The following SLC12A2 variants were observed in gnomAD, a reference collection of about 807,000 sequenced individuals.
SLC12A2 encodes the protein solute carrier family 12 member 2, also known as Na-K-2Cl cotransporter 1.
SLC12A2 carries 67 observed loss-of-function variants against 136.3 expected under a neutral mutation model. The observed-to-expected ratio is 0.49, with a 90% CI of 0.40 to 0.60. The LOEUF is 0.60. SLC12A2 is among the 20% of genes least tolerant of loss of function. The pLI is 0.00. For synonymous variants in SLC12A2, 619 were observed against 562.9 expected, an observed-to-expected ratio of 1.10 and a Z score of -1.41; for missense variants, 1,322 against 1,534.7, an observed-to-expected ratio of 0.86 and a Z score of 2.32.
chr5:128,133,810 T>C (rs919652490), intron 5 of SLC12A2, among the ~76,000 whole-genome samples: 9 of 152,138 alleles, frequency 5.9e-5, no homozygotes, highest in African/African-American at 1.9e-4. Context: ...ATGAGTTCAC[T>C]AATCACAATA....
At chr5:128,124,174 T>C (rs1761691080) in intron 4 of SLC12A2, among the ~76,000 whole-genome samples, 1 of 152,188 alleles carries the variant, frequency 6.6e-6, no homozygotes. Flanking sequence ...TTCTGCACAT[T>C]AGGTAATAGC....
chr5:128,184,656 TA>T, intron 25 of SLC12A2, 132 bp from the exon 26 acceptor site: 1 of 1,468,894 alleles, frequency 6.8e-7, no homozygotes, highest in Non-Finnish European at 9.2e-7. Flanking sequence ...TTAAAAAAAA[TA>T]AAAATAGAGA....
chr5:128,186,547 A>G lies in SLC12A2; in HGVS notation c.3555A>G (p.Ala1185=), dbSNP rs759479031. ...CTGTGTCTAGTGCTCTCTACATGGC[A>G]TGGTTAGAAGCTCTATCTAAGGACC... ...KGAVSSALYM[A]WLEALSKDLP... Residue 1185 remains alanine, a synonymous_variant, in exon 27 of 27, where the codon GCA becomes GCG. Coordinates refer to ENST00000262461, the MANE Select transcript of SLC12A2 (RefSeq NM_001046.3). The G allele has an allele frequency of 1.5e-5, 24 of 1,612,588 alleles. No individual in the cohort carries two copies. The highest frequency in any genetic ancestry group is 1.9e-5 in the Non-Finnish European group (22 of 1,179,784).
chr5:128,102,956 A>C (rs988036309), intron 1 of SLC12A2, among the ~76,000 whole-genome samples: 1 of 152,020 alleles, frequency 6.6e-6, no homozygotes, highest in Admixed American at 6.5e-5. Flanking sequence ...ATTTTCTTCG[A>C]TTGTATGAAT....
intron 1 of SLC12A2, among the ~76,000 whole-genome samples, chr5:128,092,222 A>G (rs112389004): frequency 0.011 from 1,635 of 152,358 alleles, 18 homozygotes; most frequent in Non-Finnish European, 0.017. Flanking sequence ...AAACACATCC[A>G]GTATCTCAAT....
chr5:128,152,784 A>T lies in SLC12A2; in HGVS notation c.2342A>T (p.Glu781Val). Reference protein sequence around the residue: ...LQHSIRLSGVEDHVKNFRPQC... With the variant: ...LQHSIRLSGVVDHVKNFRPQC... ...CATTCAATTCGTCTTTCTGGAGTGG[A>T]AGACCACGTGAAAAACTTTAGGTAA... The change falls in exon 15 of 27, where the codon GAA becomes GTA. Residue 781 changes from glutamate to valine, a missense_variant. This residue lies in a region of SLC12A2 where 294 missense variants were observed against 436.6 expected (regional missense o/e 0.67). Transcript: ENST00000262461. 2 of 1,612,540 alleles carry T rather than the reference A, an allele frequency of 1.2e-6. No homozygotes were observed. Among genetic ancestry groups the T allele is most frequent in the Non-Finnish European group, 1.7e-6 (2 of 1,178,562 alleles).
At chr5:128,100,490 C>T (rs1444821166) in intron 1 of SLC12A2, among the ~76,000 whole-genome samples, 1 of 152,064 alleles carries the variant, frequency 6.6e-6, no homozygotes, top group Non-Finnish European at 1.5e-5. Flanking sequence ...ATTCCAAAAT[C>T]TGAAAATATC....
Position 128,083,989 on chromosome 5 carries a change from C to T in SLC12A2, c.35C>T (p.Ala12Val), listed in dbSNP as rs895786562. The part of the protein sequence containing the change: ...EPRPTAPSSG[A>V]PGLAGVGETP... The stretch of plus-strand genomic sequence containing the variant: ...CGGCCCACGGCGCCCTCCTCCGGCG[C>T]CCCGGGACTGGCCGGGGTCGGGGAG... Residue 12 changes from alanine to valine, a missense_variant, in exon 1 of 27, where the codon GCC (alanine) becomes GTC (valine). Physicochemically the swap from Ala to Val is moderately conservative, Grantham distance 64. Coordinates refer to ENST00000262461, the MANE Select transcript of SLC12A2 (RefSeq NM_001046.3). The T allele has an allele frequency of 2.4e-6, 3 of 1,247,774 alleles. No homozygotes were observed. Among genetic ancestry groups the T allele is most frequent in the South Asian group, 3.1e-5 (1 of 31,860 alleles). 77.3% of individuals were successfully genotyped at this position (1,247,774 alleles called of 1,614,324 possible). A position where few individuals can be genotyped will look rare whatever the true frequency, so the allele number is the denominator to read the frequency against.
chr5:128,162,194 C>T (rs570536171), intron 17 of SLC12A2, among the ~76,000 whole-genome samples: 1 of 152,086 alleles, frequency 6.6e-6, no homozygotes, highest in African/African-American at 2.4e-5. Flanking sequence ...GAAGAAGGGA[C>T]AAGGTAGGCT....
rs572805590 is a variant in SLC12A2 at position 128,154,470 on chromosome 5, G to A, written c.2363+1665G>A. 4.6e-5 allele frequency among the ~76,000 whole-genome samples: 7 copies of A among 151,840 alleles called. No individual in the cohort carries two copies. In the East Asian group the frequency reaches 9.7e-4, roughly 21 times the overall value. ...TTTTTAATTTTTATTAGAATTATAC[G>A]TGAGTATTGTGTAAAGAGGAAAAGC... On this transcript the variant is annotated intron_variant, in intron 15 of 26. Coordinates refer to ENST00000262461, the MANE Select transcript of SLC12A2 (RefSeq NM_001046.3).
At chr5:128,183,466 A>G (rs534463896) in intron 24 of SLC12A2, among the ~76,000 whole-genome samples, 1 of 152,162 alleles carries the variant, frequency 6.6e-6, no homozygotes, top group East Asian at 1.9e-4. Context: ...CCTTTTAGAT[A>G]GAAAATAGTA....
rs1189047331 is a variant in SLC12A2, at chr5:128,186,566, A to G, written c.3574A>G (p.Lys1192Glu). The change falls in exon 27 of 27, where the codon AAG (lysine) becomes GAG (glutamate). Residue 1192 changes from lysine (K) to glutamate (E), a missense_variant. Coordinates refer to ENST00000262461, the MANE Select transcript of SLC12A2 (RefSeq NM_001046.3). ...CATGGCATGGTTAGAAGCTCTATCT[A>G]AGGACCTACCACCAATCCTCCTAGT... ...LYMAWLEALS[K>E]DLPPILLVRG... is the part of the protein sequence containing the mutation. 3.1e-6 allele frequency: 5 copies of G among 1,613,298 alleles called. No homozygotes were observed. Among genetic ancestry groups the G allele is most frequent in the African/African-American group, 1.3e-5 (1 of 74,660 alleles).
At chr5:128,097,646 T>C (rs1395182824) in intron 1 of SLC12A2, among the ~76,000 whole-genome samples, 3 of 152,110 alleles carry the variant, frequency 2.0e-5, no homozygotes, top group Non-Finnish European at 4.4e-5. Context: ...TATCATTGAA[T>C]TTCTTCAGCT....
intron 1 of SLC12A2, among the ~76,000 whole-genome samples, chr5:128,103,526 C>T (rs1337454429): frequency 6.6e-6 from 1 of 152,144 alleles, no homozygotes; most frequent in Non-Finnish European, 1.5e-5. Flanking sequence ...TGTTGTGGAC[C>T]TTCCATTTTA....
At position 128,093,901 on chromosome 5, in the gene SLC12A2, G is replaced by A. The variant is rs190641677; in HGVS notation, c.756+9191G>A. 1.8e-3 allele frequency among the ~76,000 whole-genome samples: 281 copies of A among 152,142 alleles called. 2 individuals are homozygous for A. The highest frequency in any genetic ancestry group is 6.6e-3 in the African/African-American group (275 of 41,506). ...TCCCTGCATTGTCTATTTCTGGTTTGCCTCTTCTTCAGTGTTTCACTTACT... is the reference window on the plus strand; with the variant it reads ...TCCCTGCATTGTCTATTTCTGGTTTACCTCTTCTTCAGTGTTTCACTTACT... On this transcript the variant is annotated intron_variant, in intron 1 of 26. Transcript: ENST00000262461.
At chr5:128,110,912 A>C (rs1761119451) in intron 1 of SLC12A2, 1 of 1,013,242 alleles carries the variant, frequency 9.9e-7, no homozygotes, top group Non-Finnish European at 1.6e-6. Context: ...CAAATCTGAG[A>C]GGGCATGAAA....
intron 1 of SLC12A2, chr5:128,110,716 C>T: frequency 6.9e-7 from 1 of 1,447,952 alleles, no homozygotes; most frequent in South Asian, 1.1e-5. Context: ...ACACTACATT[C>T]CAGTGAAGAG....
Position 128,135,695 on chromosome 5 carries a change from T to C in SLC12A2, c.1300-5T>C. The C allele has an allele frequency of 6.4e-7, 1 of 1,558,068 alleles. No homozygotes were observed. The highest frequency in any genetic ancestry group is 1.1e-5 in the South Asian group (1 of 87,696). On this transcript the variant is annotated splice_region_variant and splice_polypyrimidine_tract_variant and intron_variant, in intron 6 of 26. Coordinates refer to ENST00000262461, the MANE Select transcript of SLC12A2 (RefSeq NM_001046.3). ...GATTTTAATTTTTAATGTTTAAAAT[T>C]GCAGGCTCAGATTGTTCTTTTGGTG...
chr5:128,110,777 AAGAGG>A lies in SLC12A2; in HGVS notation c.757-2036_757-2032del, dbSNP rs529408012. On this transcript the variant is annotated intron_variant, in intron 1 of 26. Coordinates refer to ENST00000262461, the MANE Select transcript of SLC12A2 (RefSeq NM_001046.3). Reference sequence around the variant, plus strand: ...CTTAAATGGACAAAAGATCACAATGAAGAGGCCAAAAAGATAGCAAAAGCAGGACA... The same window carrying A: ...CTTAAATGGACAAAAGATCACAATGACCAAAAAGATAGCAAAAGCAGGACA... 75 of 1,464,746 alleles carry A rather than the reference AAGAGG, an allele frequency of 5.1e-5. No individual in the cohort carries two copies. In the African/African-American group the frequency reaches 1.0e-3, roughly 20 times the overall value. 90.7% of individuals were successfully genotyped at this position (1,464,746 alleles called of 1,614,324 possible). A position where few individuals can be genotyped will look rare whatever the true frequency, so the allele number is the denominator to read the frequency against.
Sources: allele counts gnomAD v4.1 joint callset (sites outside exome capture counted in the v4.1 genomes callset), GRCh38; gene constraint gnomAD v4.1.1; regional missense constraint gnomAD v4.1.1; transcripts MANE v1.5; gene names NCBI Gene and HGNC (gene_info 2026-07-23, HGNC 2026-07-21).